Variants in HLF observed in about 807,000 individuals in gnomAD.
The protein encoded by HLF is hepatic leukemia factor.
A neutral mutation model predicts 22.6 loss-of-function variants in HLF; 3 were observed. The ratio of observed to expected loss-of-function variants is 0.13; its 90% CI spans 0.06 to 0.34. The LOEUF (loss-of-function observed/expected upper bound fraction) is 0.34, where lower values mean the gene tolerates loss of function less well. Among genes scored for constraint, HLF ranks in the 10% least tolerant of loss-of-function variants. HLF has a pLI of 1.00. For missense variants in HLF, 299 were observed against 389.2 expected (o/e 0.77, Z 1.95); for synonymous variants, 151 against 151.8 (o/e 0.99, Z 0.04).
chr17:55,265,336 T>A lies in HLF; in HGVS notation c.-149T>A. Reference sequence around the variant, plus strand: ...TTTTATGCAGATGTATTTATAAAGATATAAGTAATTTTTTTCTTCCCTTTT... The same window carrying A: ...TTTTATGCAGATGTATTTATAAAGAAATAAGTAATTTTTTTCTTCCCTTTT... On this transcript the variant is annotated 5_prime_UTR_variant, in exon 1 of 4. Transcript: ENST00000226067. The A allele has an allele frequency of 1.7e-6, 1 of 601,708 alleles. No individual in the cohort carries two copies. The highest frequency in any genetic ancestry group is 2.9e-6 in the Non-Finnish European group (1 of 341,812). 37.3% of individuals were successfully genotyped at this position (601,708 alleles called of 1,614,324 possible). A position where few individuals can be genotyped will look rare whatever the true frequency, so the allele number is the denominator to read the frequency against.
rs72476932 is a variant in HLF at position 55,324,790 on chromosome 17, A to AGTGTGTGTGTGTGTGT, written c.*3915_*3930dup. Reference sequence around the variant, plus strand: ...CATTTTGCAGGAGGCTAAGTGTAAGAGTGTGTGTGTGTGTGTGTGCGTGCA... The same window carrying AGTGTGTGTGTGTGTGT: ...CATTTTGCAGGAGGCTAAGTGTAAGAGTGTGTGTGTGTGTGTGTGTGTGTGTGTGTGTGTGCGTGCA... On this transcript the variant is annotated 3_prime_UTR_variant, in exon 4 of 4. Coordinates refer to ENST00000226067, the MANE Select transcript of HLF (RefSeq NM_002126.5). The AGTGTGTGTGTGTGTGT allele has an allele frequency of 1.1e-5, 2 of 185,508 alleles. No homozygotes were observed. The highest frequency in any genetic ancestry group is 2.3e-5 in the African/African-American group (1 of 43,084). 11.5% of individuals were successfully genotyped at this position (185,508 alleles called of 1,614,324 possible).
At chr17:55,282,441 C>T (rs969326975) in intron 2 of HLF, among the ~76,000 whole-genome samples, 8 of 152,218 alleles carry the variant, frequency 5.3e-5, no homozygotes, top group Admixed American at 3.9e-4. Context: ...TTCTAACTTA[C>T]AAGTATGTCA....
Position 55,323,099 on chromosome 17 carries a change from A to G in HLF, c.*2220A>G, listed in dbSNP as rs746563057. The G allele has an allele frequency of 4.6e-6, 1 of 219,726 alleles. No individual in the cohort carries two copies. Among genetic ancestry groups the G allele is most frequent in the African/African-American group, 2.2e-5 (1 of 44,640 alleles). The allele number at this position is 219,726 out of a possible 1,614,324, so 13.6% of individuals were successfully genotyped here. The stretch of plus-strand genomic sequence containing the variant: ...TAGTGTCATAGACTTGGGAAACCCA[A>G]CCAGTAGGATATTTCTACAAGGTGT... On this transcript the variant is annotated 3_prime_UTR_variant, in exon 4 of 4. Transcript: ENST00000226067.
intron 2 of HLF, among the ~76,000 whole-genome samples, chr17:55,298,947 T>C (rs544196541): frequency 2.0e-5 from 3 of 152,344 alleles, no homozygotes; most frequent in South Asian, 2.1e-4. Flanking sequence ...TCTGTGGTCT[T>C]TCCTTTCCCT....
intron 2 of HLF, among the ~76,000 whole-genome samples, chr17:55,287,681 A>G (rs1047561279): frequency 3.9e-5 from 6 of 152,220 alleles, no homozygotes; most frequent in African/African-American, 1.4e-4. Flanking sequence ...CAGTGTAAAT[A>G]CTTCAATCCT....
intron 2 of HLF, among the ~76,000 whole-genome samples, chr17:55,279,684 T>C (rs2145312744): frequency 6.6e-6 from 1 of 152,288 alleles, no homozygotes; most frequent in South Asian, 2.1e-4. Context: ...TTTTTAAAGA[T>C]TTTAACTGTG....
At chr17:55,297,069 A>G (rs1486543199) in intron 2 of HLF, among the ~76,000 whole-genome samples, 3 of 152,222 alleles carry the variant, frequency 2.0e-5, no homozygotes, top group Non-Finnish European at 2.9e-5. Context: ...CCAAATTGCA[A>G]GATCTCCTTT....
At chr17:55,288,437 C>A (rs1257080785) in intron 2 of HLF, among the ~76,000 whole-genome samples, 1 of 152,066 alleles carries the variant, frequency 6.6e-6, no homozygotes, top group Non-Finnish European at 1.5e-5. Context: ...TGTGAGCCAC[C>A]ACGCCCGGCC....
At chr17:55,310,257 A>C (rs756542228) in intron 2 of HLF, among the ~76,000 whole-genome samples, 7 of 152,238 alleles carry the variant, frequency 4.6e-5, no homozygotes, top group Non-Finnish European at 8.8e-5. Flanking sequence ...ATGTTCCAGT[A>C]ACTGCAGAGG....
intron 2 of HLF, among the ~76,000 whole-genome samples, chr17:55,293,001 G>C (rs1409471433): frequency 6.6e-6 from 1 of 152,184 alleles, no homozygotes; most frequent in Admixed American, 6.5e-5. Context: ...GTTAGCGGGG[G>C]CTGGGATGTG....
In HLF at chr17:55,320,062, G is replaced by A. The variant is rs920137032; in HGVS notation, c.673-602G>A. ...TCCCTTTGTATGACTGTATCATAAC[G>A]TGGTTGTTAAATCTCCTATGCATAG... On this transcript the variant is annotated intron_variant, in intron 3 of 3. Coordinates refer to ENST00000226067, the MANE Select transcript of HLF (RefSeq NM_002126.5). The surrounding 1 kb of genome is among the most constrained non-coding windows in gnomAD (Gnocchi z 4.2). Among the ~76,000 whole-genome samples the A allele has an allele frequency of 5.3e-5, 8 of 152,112 alleles. No individual in the cohort carries two copies. Among genetic ancestry groups the A allele is most frequent in the African/African-American group, 1.9e-4 (8 of 41,426 alleles).
At chr17:55,270,573 A>G (rs572153297) in intron 2 of HLF, among the ~76,000 whole-genome samples, 1 of 151,980 alleles carries the variant, frequency 6.6e-6, no homozygotes, top group African/African-American at 2.4e-5. Context: ...GCACAGATGT[A>G]GCCTTGGTCA....
Position 55,322,943 on chromosome 17 carries a change from CAAAG to C in HLF, c.*2068_*2071del, listed in dbSNP as rs1488440414. On this transcript the variant is annotated 3_prime_UTR_variant, in exon 4 of 4. Transcript: ENST00000226067. ...ATGTCAAGAAATTCTGCTGTTACGA[CAAAG>C]AAACATTTTACGCTAGATTAAAATA... 2 of 224,908 alleles carry C rather than the reference CAAAG, an allele frequency of 8.9e-6. No homozygotes were observed. The highest frequency in any genetic ancestry group is 2.2e-5 in the African/African-American group (1 of 44,874). The allele number at this position is 224,908 out of a possible 1,614,324, so 13.9% of individuals were successfully genotyped here.
At chr17:55,282,123 G>A (rs1051138122) in intron 2 of HLF, among the ~76,000 whole-genome samples, 3 of 152,222 alleles carry the variant, frequency 2.0e-5, no homozygotes, top group Non-Finnish European at 4.4e-5. Context: ...CATTAAACAA[G>A]CTATCAGTAA....
chr17:55,278,078 T>C (rs1230973434), intron 2 of HLF, among the ~76,000 whole-genome samples: 1 of 152,226 alleles, frequency 6.6e-6, no homozygotes, highest in Non-Finnish European at 1.5e-5. Context: ...AAGTTTAATC[T>C]GGGATTTGTT....
rs1598382799 is a variant in HLF at position 55,264,992 on chromosome 17, G to A, written c.-493G>A. On this transcript the variant is annotated 5_prime_UTR_variant, in exon 1 of 4. Transcript: ENST00000226067. ...TCAGGGCCGCGGCACATGGGCGGCC[G>A]GATGCGCTGAGCCCGGCGCTGCGGG... 4 of 169,700 alleles carry A rather than the reference G, an allele frequency of 2.4e-5. No homozygotes were observed. The East Asian group carries it at 4.5e-4, about 19-fold the overall frequency. The allele number at this position is 169,700 out of a possible 1,614,324, so 10.5% of individuals were successfully genotyped here. A position where few individuals can be genotyped will look rare whatever the true frequency, so the allele number is the denominator to read the frequency against.
chr17:55,303,088 G>GAAAGCTGGCAGCCT (rs1904375288), intron 2 of HLF, among the ~76,000 whole-genome samples: 1 of 152,222 alleles, frequency 6.6e-6, no homozygotes, highest in South Asian at 2.1e-4. Context: ...CTCCTCTGGG[G>GAAAGCTGGCAGCCT]AAAGCTGGCA....
chr17:55,306,791 C>A (rs912098961), intron 2 of HLF, among the ~76,000 whole-genome samples: 3 of 151,786 alleles, frequency 2.0e-5, no homozygotes, highest in Admixed American at 2.0e-4. Flanking sequence ...TCTTTCCTTC[C>A]ATAATACCTT....
intron 2 of HLF, among the ~76,000 whole-genome samples, chr17:55,297,185 G>T (rs1253901596): frequency 6.6e-6 from 1 of 152,156 alleles, no homozygotes; most frequent in Non-Finnish European, 1.5e-5. Flanking sequence ...TCTTTATTAA[G>T]ATAATGTATG....
Sources: gnomAD v4.1 joint callset for allele counts (sites outside exome capture counted in the v4.1 genomes callset) on GRCh38, gnomAD v4.1.1 for gene constraint, Gnocchi (gnomAD v3.1) non-coding constraint, MANE v1.5 for transcripts, NCBI Gene and HGNC (gene_info 2026-07-23, HGNC 2026-07-21) for gene names.